Variants in MCF2L observed in about 807,000 individuals in gnomAD.
The protein encoded by MCF2L is MCF.2 cell line derived transforming sequence like.
A neutral mutation model predicts 153.4 loss-of-function variants in MCF2L; 97 were observed. The ratio of observed to expected loss-of-function variants is 0.63; its 90% confidence interval spans 0.54 to 0.75. The LOEUF (loss-of-function observed/expected upper bound fraction) is 0.75, where lower values mean the gene tolerates loss of function less well. Among genes scored for constraint, MCF2L ranks in the 30% least tolerant of loss-of-function variants. MCF2L has a pLI of 0.00. For missense variants in MCF2L, 1,347 were observed against 1,495.2 expected, an observed-to-expected ratio of 0.90 and a Z score of 1.64; for synonymous variants, 659 against 632.2, an observed-to-expected ratio of 1.04 and a Z score of -0.64.
chr13:113,071,989 C>G (rs1272628462), intron 9 of MCF2L, among the ~76,000 whole-genome samples: 5 of 152,174 alleles, frequency 3.3e-5, no homozygotes, highest in African/African-American at 1.2e-4. Context: ...TTCTAGTCAA[C>G]AAACATGGTA....
At chr13:113,079,784 C>CCAT (rs2033902206) in intron 15 of MCF2L, among the ~76,000 whole-genome samples, 1 of 142,850 alleles carries the variant, frequency 7.0e-6, no homozygotes, top group Non-Finnish European at 1.5e-5. Flanking sequence ...GGGGCGTCTG[C>CCAT]ACGGAGGAGG....
intron 1 of MCF2L, among the ~76,000 whole-genome samples, chr13:112,992,331 T>G (rs2082926053): frequency 6.6e-6 from 1 of 152,226 alleles, no homozygotes; most frequent in African/African-American, 2.4e-5. Flanking sequence ...TGGCCATGTT[T>G]AGTGGGAGCC....
chr13:112,976,663 A>G (rs995770758), intron 1 of MCF2L, among the ~76,000 whole-genome samples: 5 of 152,168 alleles, frequency 3.3e-5, no homozygotes, highest in African/African-American at 9.6e-5. Flanking sequence ...AGGTGCCTCC[A>G]CCAGACCGGA....
chr13:113,001,963 T>A (rs1230378187), intron 1 of MCF2L: 2 of 1,591,758 alleles, frequency 1.3e-6, no homozygotes, highest in Non-Finnish European at 1.7e-6. Flanking sequence ...GCGCTGTGGC[T>A]GCTGCTGAAG....
At chr13:112,975,341 T>C (rs1035291213) in intron 1 of MCF2L, among the ~76,000 whole-genome samples, 1 of 152,224 alleles carries the variant, frequency 6.6e-6, no homozygotes, top group African/African-American at 2.4e-5. Flanking sequence ...AAGGGTTGCA[T>C]TGACTATTAG....
chr13:112,973,118 C>T (rs536161043), intron 1 of MCF2L, among the ~76,000 whole-genome samples: 6 of 152,130 alleles, frequency 3.9e-5, no homozygotes, highest in South Asian at 4.1e-4. Context: ...GGAGTAGGTG[C>T]GGCTCCCTGG....
At chr13:113,059,364 C>A (rs945963310) in intron 4 of MCF2L, among the ~76,000 whole-genome samples, 4 of 152,248 alleles carry the variant, frequency 2.6e-5, no homozygotes, top group African/African-American at 4.8e-5. Context: ...GTGGCTGGGG[C>A]AGTGCCCAGG....
chr13:113,000,821 G>T (rs2083335591), intron 1 of MCF2L, among the ~76,000 whole-genome samples: 2 of 152,344 alleles, frequency 1.3e-5, no homozygotes, highest in South Asian at 2.1e-4. Flanking sequence ...CGCCGGAAGA[G>T]GCCGGGGCCA....
At chr13:112,916,772 G>A (rs73572822) in intron 2 of MCF2L, among the ~76,000 whole-genome samples, 2,877 of 152,180 alleles carry the variant, frequency 0.019, 79 homozygotes, top group African/African-American at 0.065. Flanking sequence ...ACCAGCTCAC[G>A]CCTTGCTTCT....
intron 2 of MCF2L, among the ~76,000 whole-genome samples, chr13:112,908,309 G>A (rs1255037129): frequency 6.6e-6 from 1 of 152,176 alleles, no homozygotes; most frequent in South Asian, 2.1e-4. Context: ...TCTCCCAAGC[G>A]CCCTCTGATT....
chr13:112,962,158 C>T (rs1383324240), intron 2 of MCF2L, among the ~76,000 whole-genome samples: 2 of 151,422 alleles, frequency 1.3e-5, no homozygotes, highest in African/African-American at 4.9e-5. Context: ...CATGCTCACA[C>T]CTGTGCATGC....
chr13:112,931,760 A>C (rs2081466072), intron 2 of MCF2L, among the ~76,000 whole-genome samples: 1 of 152,184 alleles, frequency 6.6e-6, no homozygotes, highest in Non-Finnish European at 1.5e-5. Flanking sequence ...ATCATCTTAC[A>C]GTGACAGAAA....
At chr13:113,056,231 C>T (rs2087759496) in intron 4 of MCF2L, among the ~76,000 whole-genome samples, 1 of 152,200 alleles carries the variant, frequency 6.6e-6, no homozygotes. Context: ...TTAATTCCTA[C>T]AAGGCAGGTG....
In MCF2L at chr13:113,086,323, C is replaced by T. The variant is rs1233912714; in HGVS notation, c.2373+74C>T. The T allele has an allele frequency of 1.9e-6, 3 of 1,575,938 alleles. No homozygotes were observed. In the Admixed American group the frequency reaches 5.5e-5, roughly 29 times the overall value. On this transcript the variant is annotated intron_variant, in intron 21 of 29. Coordinates refer to ENST00000535094, the MANE Select transcript of MCF2L (RefSeq NM_001112732.3). The stretch of plus-strand genomic sequence containing the variant: ...CCAGCCCAGCAACTTGGCGGCCTCC[C>T]TGCACACGCCCCTCGCTTTGGTGTG...
intron 2 of MCF2L, among the ~76,000 whole-genome samples, chr13:112,942,117 A>G (rs2081581108): frequency 1.3e-5 from 2 of 152,108 alleles, no homozygotes; most frequent in African/African-American, 4.8e-5. Context: ...CCTCTTGTGG[A>G]GGGTCTGTCA....
intron 2 of MCF2L, among the ~76,000 whole-genome samples, chr13:112,923,758 G>T (rs1210027266): frequency 6.6e-6 from 1 of 152,064 alleles, no homozygotes; most frequent in Non-Finnish European, 1.5e-5. Flanking sequence ...TCTATGAGTT[G>T]TCCCCCTAAA....
intron 1 of MCF2L, among the ~76,000 whole-genome samples, chr13:112,989,220 G>T (rs113311297): frequency 9.0e-5 from 2 of 22,292 alleles, no homozygotes; most frequent in Non-Finnish European, 1.1e-4. Flanking sequence ...CTACCACACC[G>T]GAGTCCTCCC....
At chr13:112,962,577 C>A (rs1566663494) in intron 2 of MCF2L, among the ~76,000 whole-genome samples, 1 of 152,184 alleles carries the variant, frequency 6.6e-6, no homozygotes, top group Non-Finnish European at 1.5e-5. Context: ...ATGGACAGAC[C>A]CTTCTTGCCC....
At chr13:112,999,417 C>T (rs1374606674) in intron 1 of MCF2L, among the ~76,000 whole-genome samples, 3 of 152,252 alleles carry the variant, frequency 2.0e-5, no homozygotes, top group Non-Finnish European at 4.4e-5. Flanking sequence ...AGGACAGCCT[C>T]TGGCACCGCT....
Sources: gnomAD v4.1 joint callset for allele counts (sites outside exome capture counted in the v4.1 genomes callset) on GRCh38, gnomAD v4.1.1 for gene constraint, MANE v1.5 for transcripts, NCBI Gene and HGNC (gene_info 2026-07-23, HGNC 2026-07-21) for gene names.